PRSS27: variants seen among roughly 807,000 people sequenced by gnomAD.
PRSS27 encodes channel-activating protease 2.
PRSS27 carries 25 observed loss-of-function variants against 32.0 expected under a neutral mutation model. The ratio of observed to expected loss-of-function variants is 0.78; its 90% CI spans 0.57 to 1.09. The LOEUF (loss-of-function observed/expected upper bound fraction) is 1.09, where lower values mean the gene tolerates loss of function less well. PRSS27 is among the 50% of genes least tolerant of loss of function. The pLI is 0.00. For synonymous variants in PRSS27, 178 were observed against 172.2 expected (o/e 1.03, Z -0.26); for missense variants, 401 against 394.9 (o/e 1.02, Z -0.13).
At chr16:2,719,324 G>A (rs191434566) in intron 1 of PRSS27, among the ~76,000 whole-genome samples, 31 of 152,156 alleles carry the variant, frequency 2.0e-4, no homozygotes, top group African/African-American at 7.0e-4. Flanking sequence ...TCCCACCCAG[G>A]AGAACAAGGA....
chr16:2,715,744 G>C lies in PRSS27; in HGVS notation c.210C>G (p.Val70=). 6.4e-7 allele frequency: 1 copy of C among 1,569,600 alleles called. No individual in the cohort carries two copies. The highest frequency in any genetic ancestry group is 8.6e-7 in the Non-Finnish European group (1 of 1,162,180). ...TGCGGAAGCAGTGCGCAGCCGTCAGGACCCACTGCTCCGCGATGAGGCTGC... is the reference window on the plus strand; with the variant it reads ...TGCGGAAGCAGTGCGCAGCCGTCAGCACCCACTGCTCCGCGATGAGGCTGC... ...CGGSLIAEQW[V]LTAAHCFRNT... Residue 70 remains valine, a synonymous_variant, in exon 3 of 6, where the codon GTC becomes GTG. Coordinates refer to ENST00000302641, the MANE Select transcript of PRSS27 (RefSeq NM_031948.5).
Position 2,712,582 on chromosome 16 carries a change from G to A in PRSS27, c.*38C>T. 6.5e-7 allele frequency: 1 copy of A among 1,540,508 alleles called. No homozygotes were observed. The highest frequency in any genetic ancestry group is 8.8e-7 in the Non-Finnish European group (1 of 1,138,384). On this transcript the variant is annotated 3_prime_UTR_variant, in exon 6 of 6. Transcript: ENST00000302641. The surrounding 1 kb of genome is among the most constrained non-coding windows in gnomAD (Gnocchi z 4.6). ...GATGGTGTGGGCGGGCAGGCTGGGT[G>A]CAGAGCTCTGCTCAAGGGGCTCCTG...
rs1364657283 is a variant in PRSS27 at position 2,713,775 on chromosome 16, A to T, written c.509-77T>A. Reference sequence around the variant, plus strand: ...CCACGGCCCCGGGAACCACCACTCCATCCTGCCTGTCGTTTCCTCATGTTT... The same window carrying T: ...CCACGGCCCCGGGAACCACCACTCCTTCCTGCCTGTCGTTTCCTCATGTTT... On this transcript the variant is annotated intron_variant, in intron 4 of 5. Transcript: ENST00000302641. 2.0e-6 allele frequency: 3 copies of T among 1,489,856 alleles called. No individual in the cohort carries two copies. The Admixed American group carries it at 5.6e-5, about 28-fold the overall frequency. 92.3% of individuals were successfully genotyped at this position (1,489,856 alleles called of 1,614,324 possible). A position where few individuals can be genotyped will look rare whatever the true frequency, so the allele number is the denominator to read the frequency against.
At chr16:2,716,671 AG>A in intron 1 of PRSS27, 145 bp from the exon 2 acceptor site, 1 of 783,762 alleles carries the variant, frequency 1.3e-6, no homozygotes, top group Admixed American at 2.3e-5. Flanking sequence ...GGAGAGCCCA[AG>A]GGCCTGCAGT....
chr16:2,713,767 A>G, intron 4 of PRSS27, 69 bp from the exon 5 acceptor site: 1 of 1,529,950 alleles, frequency 6.5e-7, no homozygotes, highest in Middle Eastern at 1.8e-4. Flanking sequence ...CCCGGGAACC[A>G]CCACTCCATC....
chr16:2,716,079 T>A, intron 2 of PRSS27, 199 bp from the exon 3 acceptor site: 1 of 520,488 alleles, frequency 1.9e-6, no homozygotes, highest in Non-Finnish European at 3.4e-6. Context: ...AAAGTCTCAC[T>A]CTCCTCGCCG....
intron 2 of PRSS27, chr16:2,716,293 C>A: frequency 1.6e-6 from 1 of 617,020 alleles, no homozygotes; most frequent in Non-Finnish European, 2.9e-6. Flanking sequence ...CTGCACCGCG[C>A]CTCAAGGCTC....
chr16:2,716,779 G>T (rs536032589), intron 1 of PRSS27: 50 of 545,568 alleles, frequency 9.2e-5, no homozygotes, highest in African/African-American at 6.6e-4. Context: ...ATGGGGAGCC[G>T]GTCAGGAGAT....
In PRSS27 at chr16:2,714,730, G is replaced by A. The variant is rs1008922035; in HGVS notation, c.237-394C>T. The A allele has an allele frequency of 5.9e-5, 15 of 252,430 alleles. No homozygotes were observed. The highest frequency in any genetic ancestry group is 1.3e-4 in the East Asian group (1 of 7,610). The allele number at this position is 252,430 out of a possible 1,614,324, so 15.6% of individuals were successfully genotyped here. A position where few individuals can be genotyped will look rare whatever the true frequency, so the allele number is the denominator to read the frequency against. ...CAGGTGACCTGCCCTCTCTCAGCCCGAGTTTCCGATTTTTTTTTTCCCCTA... is the reference window on the plus strand; with the variant it reads ...CAGGTGACCTGCCCTCTCTCAGCCCAAGTTTCCGATTTTTTTTTTCCCCTA... On this transcript the variant is annotated intron_variant, in intron 3 of 5. Transcript: ENST00000302641. This position sits in a 1 kb window ranked among gnomAD's most constrained non-coding sequence, Gnocchi z 4.7.
chr16:2,715,785 T>C lies in PRSS27; in HGVS notation c.169A>G (p.Ser57Gly). The change falls in exon 3 of 6, where the codon AGC becomes GGC. Residue 57 changes from serine to glycine, a missense_variant. By Grantham distance (56) the Ser-to-Gly change is moderately conservative. Coordinates refer to ENST00000302641, the MANE Select transcript of PRSS27 (RefSeq NM_031948.5). ...ATGAGGCTGCCCCCGCAGAAGTGGC[T>C]TCCGTTGCGCTGGATGCTGACTTGC... ...PWQVSIQRNG[S>G]HFCGGSLIAE... 4 of 1,601,366 alleles carry C rather than the reference T, an allele frequency of 2.5e-6. No individual in the cohort carries two copies. The highest frequency in any genetic ancestry group is 3.4e-6 in the Non-Finnish European group (4 of 1,176,548).
In PRSS27 at chr16:2,715,886, G is replaced by A; in HGVS notation, c.74-6C>T. 1 of 1,556,784 alleles carries A rather than the reference G, an allele frequency of 6.4e-7. No individual in the cohort carries two copies. Among genetic ancestry groups the A allele is most frequent in the Non-Finnish European group, 8.7e-7 (1 of 1,149,648 alleles). ...CATCCTGGGGCGACCACAGGCTGGG[G>A]GAGCATGGGGAGCGGGTGGGGGCGC... On this transcript the variant is annotated splice_polypyrimidine_tract_variant and splice_region_variant and intron_variant, in intron 2 of 5. Coordinates refer to ENST00000302641, the MANE Select transcript of PRSS27 (RefSeq NM_031948.5).
rs1370341757 is a variant in PRSS27, at chr16:2,712,939, G to A, written c.679-125C>T. Reference sequence around the variant, plus strand: ...TCTCCATCCCAGAGCCTCTCTGCCCGGCTCCCCATCCCCTGCCAGTCCGAT... The same window carrying A: ...TCTCCATCCCAGAGCCTCTCTGCCCAGCTCCCCATCCCCTGCCAGTCCGAT... On this transcript the variant is annotated intron_variant, in intron 5 of 5. Transcript: ENST00000302641. The surrounding 1 kb of genome is among the most constrained non-coding windows in gnomAD (Gnocchi z 4.6). 2 of 758,140 alleles carry A rather than the reference G, an allele frequency of 2.6e-6. No homozygotes were observed. Among genetic ancestry groups the A allele is most frequent in the Non-Finnish European group, 2.1e-6 (1 of 486,776 alleles). The allele number at this position is 758,140 out of a possible 1,614,324, so 47.0% of individuals were successfully genotyped here.
chr16:2,712,825 C>T lies in PRSS27; in HGVS notation c.679-11G>A, dbSNP rs372046107. ...GCCGCCCGAGTCGCCCTGCGGGGGA[C>T]GCAGAGTCACCGTCAGAGCCCACCT... On this transcript the variant is annotated splice_polypyrimidine_tract_variant and intron_variant, in intron 5 of 5. Coordinates refer to ENST00000302641, the MANE Select transcript of PRSS27 (RefSeq NM_031948.5). The surrounding 1 kb of genome is among the most constrained non-coding windows in gnomAD (Gnocchi z 4.6). 33 of 1,529,522 alleles carry T rather than the reference C, an allele frequency of 2.2e-5. No individual in the cohort carries two copies. Among genetic ancestry groups the T allele is most frequent in the Admixed American group, 1.7e-4 (8 of 47,888 alleles). 94.7% of individuals were successfully genotyped at this position (1,529,522 alleles called of 1,614,324 possible).
Position 2,712,581 on chromosome 16 carries a change from T to G in PRSS27, c.*39A>C. ...GGATGGTGTGGGCGGGCAGGCTGGG[T>G]GCAGAGCTCTGCTCAAGGGGCTCCT... On this transcript the variant is annotated 3_prime_UTR_variant, in exon 6 of 6. Coordinates refer to ENST00000302641, the MANE Select transcript of PRSS27 (RefSeq NM_031948.5). The surrounding 1 kb of genome is among the most constrained non-coding windows in gnomAD (Gnocchi z 4.6). 6.5e-7 allele frequency: 1 copy of G among 1,539,928 alleles called. No homozygotes were observed. Among genetic ancestry groups the G allele is most frequent in the Non-Finnish European group, 8.8e-7 (1 of 1,138,404 alleles).
At position 2,719,314 on chromosome 16, in the gene PRSS27, TC is replaced by T. The variant is rs1221637399; in HGVS notation, c.46+800del. ...GGCCACTGAGGGGCCACTGGTGCCCTCCCACCCAGGAGAACAAGGAAGCCTG... is the reference window on the plus strand; with the variant it reads ...GGCCACTGAGGGGCCACTGGTGCCCTCCACCCAGGAGAACAAGGAAGCCTG... On this transcript the variant is annotated intron_variant, in intron 1 of 5. Coordinates refer to ENST00000302641, the MANE Select transcript of PRSS27 (RefSeq NM_031948.5). 2.0e-5 allele frequency among the ~76,000 whole-genome samples: 3 copies of T among 152,106 alleles called. No homozygotes were observed. The East Asian group carries it at 5.8e-4, about 29-fold the overall frequency.
chr16:2,718,892 G>C (rs1267090950), intron 1 of PRSS27, among the ~76,000 whole-genome samples: 1 of 152,094 alleles, frequency 6.6e-6, no homozygotes, highest in East Asian at 1.9e-4. Context: ...TGGGAAATGG[G>C]GGATGTGGAC....
chr16:2,719,348 G>C (rs550538130), intron 1 of PRSS27, among the ~76,000 whole-genome samples: 1 of 152,310 alleles, frequency 6.6e-6, no homozygotes, highest in African/African-American at 2.4e-5. Flanking sequence ...CTGGAGTACT[G>C]GCTAAGCTGC....
Position 2,712,898 on chromosome 16 carries a change from C to CT in PRSS27, c.679-85_679-84insA. On this transcript the variant is annotated intron_variant, in intron 5 of 5. Transcript: ENST00000302641. The surrounding 1 kb of genome is among the most constrained non-coding windows in gnomAD (Gnocchi z 4.6). Reference sequence around the variant, plus strand: ...CAGCCGCACAGGAGGTGTGTAGCTCCGCAATGGATTCCTTCTCTCCATCCC... The same window carrying CT: ...CAGCCGCACAGGAGGTGTGTAGCTCCTGCAATGGATTCCTTCTCTCCATCCC... The CT allele has an allele frequency of 3.7e-6, 4 of 1,086,434 alleles. No homozygotes were observed. The highest frequency in any genetic ancestry group is 5.1e-6 in the Non-Finnish European group (4 of 781,482). 67.3% of individuals were successfully genotyped at this position (1,086,434 alleles called of 1,614,324 possible).
At chr16:2,715,504 A>C in intron 3 of PRSS27, 2 of 506,642 alleles carry the variant, frequency 3.9e-6, no homozygotes, top group Admixed American at 4.0e-5. Context: ...GGGCGGTGCG[A>C]GGCACCTCCC....
Sources: allele counts gnomAD v4.1 joint callset (sites outside exome capture counted in the v4.1 genomes callset), GRCh38; gene constraint gnomAD v4.1.1; non-coding constraint Gnocchi (gnomAD v3.1); transcripts MANE v1.5; gene names NCBI Gene and HGNC (gene_info 2026-07-23, HGNC 2026-07-21).